The following PLEKHA5 variants were observed in gnomAD, a reference collection of about 807,000 sequenced individuals.
PLEKHA5 encodes pleckstrin homology domain-containing family A member 5.
In PLEKHA5, 55 loss-of-function variants were observed where a neutral mutation model predicts 181.9. That is an observed-to-expected ratio of 0.30 (90% confidence interval 0.24 to 0.38). The LOEUF (loss-of-function observed/expected upper bound fraction) is 0.38. PLEKHA5 is among the 10% of genes least tolerant of loss of function. PLEKHA5 has a pLI of 1.00. For missense variants in PLEKHA5, 1,432 were observed against 1,549.5 expected, an observed-to-expected ratio of 0.92 and a Z score of 1.27; for synonymous variants, 535 against 529.4, an observed-to-expected ratio of 1.01 and a Z score of -0.15.
intron 6 of PLEKHA5, among the ~76,000 whole-genome samples, chr12:19,258,969 G>A (rs1296339816): frequency 6.6e-6 from 1 of 152,088 alleles, no homozygotes. Context: ...ATACCCTAAT[G>A]GCATTCCTTA....
rs2095058424 is a variant in PLEKHA5 at position 19,358,298 on chromosome 12, A to T, written c.3209A>T (p.Glu1070Val). 2.5e-6 allele frequency: 4 copies of T among 1,613,906 alleles called. No individual in the cohort carries two copies. In the Admixed American group the frequency reaches 6.7e-5, roughly 27 times the overall value. ...ESTRPRMTVE[E>V]QMERIRRHQQ... ...ACTCGACCAAGGATGACTGTGGAAG[A>T]GCAAATGGAAAGAATAAGAAGACAT... Residue 1070 changes from glutamate to valine, a missense_variant, in exon 27 of 32, where the codon GAG becomes GTG. By Grantham distance (121) the Glu-to-Val change is moderately radical. This residue lies in a region of PLEKHA5 where 1,143 missense variants were observed against 1,168.4 expected (regional missense o/e 0.98). Coordinates refer to ENST00000429027, the MANE Select transcript of PLEKHA5 (RefSeq NM_001256470.2).
intron 3 of PLEKHA5, among the ~76,000 whole-genome samples, chr12:19,197,693 T>C (rs1466857365): frequency 7.3e-6 from 1 of 136,592 alleles, no homozygotes; most frequent in African/African-American, 2.9e-5. Flanking sequence ...TGTGTGTGTG[T>C]GTGTGTGTGT....
intron 11 of PLEKHA5, among the ~76,000 whole-genome samples, chr12:19,275,233 C>T (rs1010733336): frequency 6.6e-6 from 1 of 152,148 alleles, no homozygotes; most frequent in Non-Finnish European, 1.5e-5. Flanking sequence ...GCTTGGGTTA[C>T]AGGCAGAGAT....
chr12:19,339,648 A>G (rs1459657774), intron 21 of PLEKHA5, among the ~76,000 whole-genome samples: 1 of 152,122 alleles, frequency 6.6e-6, no homozygotes, highest in East Asian at 1.9e-4. Flanking sequence ...TGGCTCTAAT[A>G]TTTTTAAGGT....
intron 26 of PLEKHA5, among the ~76,000 whole-genome samples, chr12:19,356,662 C>CTTTTTTTTTTTT (rs57809332): frequency 1.0e-5 from 1 of 99,816 alleles, no homozygotes; most frequent in Non-Finnish European, 1.8e-5. Context: ...AGTTGTTTTT[C>CTTTTTTTTTTTT]TTTTTTTTTT....
At chr12:19,263,172 A>G (rs942397708) in intron 7 of PLEKHA5, among the ~76,000 whole-genome samples, 4 of 146,750 alleles carry the variant, frequency 2.7e-5, no homozygotes, top group Admixed American at 2.0e-4. Context: ...AATAGCCTAT[A>G]TATTTTTTTT....
At chr12:19,304,270 T>C (rs1025056791) in intron 15 of PLEKHA5, among the ~76,000 whole-genome samples, 1 of 152,114 alleles carries the variant, frequency 6.6e-6, no homozygotes, top group African/African-American at 2.4e-5. Flanking sequence ...CCGGGCGTAG[T>C]AGTGGGCACC....
chr12:19,273,681 A>G (rs1412979019), intron 10 of PLEKHA5, among the ~76,000 whole-genome samples: 1 of 152,214 alleles, frequency 6.6e-6, no homozygotes. Context: ...ATAGTGAGCA[A>G]GTACAACTGT....
chr12:19,345,804 G>C (rs756105494), intron 22 of PLEKHA5, 38 bp from the exon 23 acceptor site: 3 of 999,710 alleles, frequency 3.0e-6, no homozygotes, highest in Non-Finnish European at 4.6e-6. Flanking sequence ...GTATTAGAAA[G>C]ATATGTTTAA....
intron 26 of PLEKHA5, among the ~76,000 whole-genome samples, chr12:19,357,895 G>T (rs1280467040): frequency 2.6e-5 from 4 of 151,590 alleles, no homozygotes; most frequent in South Asian, 2.1e-4. Context: ...CCACCTCAGG[G>T]TCCCAAAGTG....
At chr12:19,170,880 C>T (rs1043797558) in intron 3 of PLEKHA5, among the ~76,000 whole-genome samples, 3 of 152,148 alleles carry the variant, frequency 2.0e-5, no homozygotes, top group Non-Finnish European at 4.4e-5. Flanking sequence ...ATGACTGTGC[C>T]ACAGACCCTA....
At chr12:19,278,561 A>G (rs1383183696) in intron 11 of PLEKHA5, among the ~76,000 whole-genome samples, 1 of 152,092 alleles carries the variant, frequency 6.6e-6, no homozygotes, top group Non-Finnish European at 1.5e-5. Flanking sequence ...GTCAGAGTAA[A>G]TTGCTTTAGT....
intron 20 of PLEKHA5, among the ~76,000 whole-genome samples, chr12:19,331,675 G>A (rs2092849193): frequency 6.6e-6 from 1 of 152,196 alleles, no homozygotes; most frequent in African/African-American, 2.4e-5. Flanking sequence ...CTACATAGAA[G>A]TAAGCACTAT....
intron 10 of PLEKHA5, among the ~76,000 whole-genome samples, chr12:19,271,105 T>C (rs1446046959): frequency 5.9e-5 from 9 of 152,162 alleles, no homozygotes; most frequent in African/African-American, 2.2e-4. Context: ...TGAGAGCAGA[T>C]AGAAGGAAAA....
chr12:19,165,847 CA>C (rs1455280246), intron 3 of PLEKHA5, among the ~76,000 whole-genome samples: 1 of 152,134 alleles, frequency 6.6e-6, no homozygotes, highest in East Asian at 1.9e-4. Context: ...AGAAGGTTCG[CA>C]AAAGGGAAAG....
chr12:19,325,084 A>G (rs2153060013), intron 20 of PLEKHA5, among the ~76,000 whole-genome samples: 1 of 152,356 alleles, frequency 6.6e-6, no homozygotes, highest in South Asian at 2.1e-4. Flanking sequence ...GAAATTTGTT[A>G]AAAATATCTT....
chr12:19,231,976 A>G (rs2060697340), intron 3 of PLEKHA5, among the ~76,000 whole-genome samples: 1 of 152,122 alleles, frequency 6.6e-6, no homozygotes. Flanking sequence ...AAGGGGATAT[A>G]AATATAACCA....
chr12:19,298,204 A>G (rs1221335092), intron 15 of PLEKHA5, among the ~76,000 whole-genome samples: 1 of 151,982 alleles, frequency 6.6e-6, no homozygotes, highest in Non-Finnish European at 1.5e-5. Flanking sequence ...ATCTCCAAAA[A>G]AAGAAGAGGA....
chr12:19,369,725 G>A lies in PLEKHA5; in HGVS notation c.3787G>A (p.Ala1263Thr). The change falls in exon 31 of 32, where the codon GCA (alanine) becomes ACA (threonine). Residue 1263 changes from alanine (A) to threonine (T), a missense_variant. Physicochemically the swap from Ala to Thr is moderately conservative, Grantham distance 58. Coordinates refer to ENST00000429027, the MANE Select transcript of PLEKHA5 (RefSeq NM_001256470.2). ...KSLSPSPESSASPVPSTQPQL... is the reference protein window; with the variant it reads ...KSLSPSPESSTSPVPSTQPQL... ...TCTGTCCCCATCTCCTGAGTCCTCG[G>A]CATCGCCAGTTCCATCCACTCAGCC... 1.9e-6 allele frequency: 3 copies of A among 1,612,194 alleles called. No individual in the cohort carries two copies. The highest frequency in any genetic ancestry group is 2.5e-6 in the Non-Finnish European group (3 of 1,179,108).
Sources: allele counts gnomAD v4.1 joint callset (sites outside exome capture counted in the v4.1 genomes callset), GRCh38; gene constraint gnomAD v4.1.1; regional missense constraint gnomAD v4.1.1; transcripts MANE v1.5; gene names NCBI Gene and HGNC (gene_info 2026-07-23, HGNC 2026-07-21).